The following FNDC3A variants were observed in gnomAD, a reference collection of about 807,000 sequenced individuals.
FNDC3A encodes fibronectin type III domain containing 3A.
Under a neutral mutation model 148.9 loss-of-function variants are expected in FNDC3A, and 32 were observed. The ratio of observed to expected loss-of-function variants is 0.21; its 90% CI spans 0.16 to 0.29. FNDC3A has a LOEUF of 0.29. FNDC3A is among the 10% of genes least tolerant of loss of function. The pLI, the probability that FNDC3A is intolerant of heterozygous loss-of-function variation, is 1.00. For synonymous variants in FNDC3A, 472 were observed against 473.6 expected, an observed-to-expected ratio of 1.00 and a Z score of 0.04; for missense variants, 1,191 against 1,452.8, an observed-to-expected ratio of 0.82 and a Z score of 2.93.
chr13:49,086,194 C>T (rs1193834434), intron 3 of FNDC3A, among the ~76,000 whole-genome samples: 1 of 152,180 alleles, frequency 6.6e-6, no homozygotes, highest in African/African-American at 2.4e-5. Context: ...TCCCATCTAT[C>T]TTTGTAGGTG....
chr13:48,996,688 A>G (rs1952030069), intron 1 of FNDC3A, among the ~76,000 whole-genome samples: 1 of 152,208 alleles, frequency 6.6e-6, no homozygotes, highest in Non-Finnish European at 1.5e-5. Context: ...TGCATATGAT[A>G]GTCTTGTGGT....
chr13:49,027,401 G>A (rs1873794911), intron 2 of FNDC3A, among the ~76,000 whole-genome samples: 1 of 152,186 alleles, frequency 6.6e-6, no homozygotes, highest in South Asian at 2.1e-4. Context: ...CAGTTGAGTA[G>A]ATACGAAGAA....
At chr13:48,998,927 A>G (rs1037504734) in intron 1 of FNDC3A, among the ~76,000 whole-genome samples, 1 of 152,222 alleles carries the variant, frequency 6.6e-6, no homozygotes, top group African/African-American at 2.4e-5. Context: ...GATAGAATGA[A>G]GGAAGACTGT....
intron 23 of FNDC3A, among the ~76,000 whole-genome samples, chr13:49,200,308 G>C (rs570103340): frequency 3.0e-4 from 45 of 152,160 alleles, no homozygotes; most frequent in African/African-American, 1.0e-3. Context: ...GAATAATTTT[G>C]TATACTAGTA....
rs554739522 is a variant in FNDC3A at position 49,017,832 on chromosome 13, A to G, written c.99+11543A>G. Reference sequence around the variant, plus strand: ...AATCTCTCAGCATTTGCTTGTCTGTAAAGTATTTTATTTCTCCTTCACTTA... The same window carrying G: ...AATCTCTCAGCATTTGCTTGTCTGTGAAGTATTTTATTTCTCCTTCACTTA... On this transcript the variant is annotated intron_variant, in intron 2 of 25. Transcript: ENST00000492622. 2.6e-5 allele frequency among the ~76,000 whole-genome samples: 4 copies of G among 152,034 alleles called. No homozygotes were observed. In the East Asian group the frequency reaches 5.8e-4, roughly 22 times the overall value.
chr13:49,082,305 G>A (rs963498316), intron 3 of FNDC3A, among the ~76,000 whole-genome samples: 2 of 152,034 alleles, frequency 1.3e-5, no homozygotes, highest in Admixed American at 1.3e-4. Context: ...AGAATCACTT[G>A]GACCCGGGAA....
intron 13 of FNDC3A, among the ~76,000 whole-genome samples, chr13:49,177,110 C>A (rs911418960): frequency 4.6e-5 from 7 of 152,104 alleles, no homozygotes; most frequent in African/African-American, 1.7e-4. Flanking sequence ...AAAACTCTGT[C>A]TTTTCTTTTG....
chr13:49,194,421 G>A (rs1272570725), intron 19 of FNDC3A, among the ~76,000 whole-genome samples: 2 of 152,250 alleles, frequency 1.3e-5, no homozygotes, highest in East Asian at 3.9e-4. Context: ...TTTTCACAAA[G>A]CAGGCGCATT....
At chr13:49,168,804 C>G (rs1884613618) in intron 10 of FNDC3A, 53 bp downstream of exon 10, 1 of 1,519,142 alleles carries the variant, frequency 6.6e-7, no homozygotes, top group African/African-American at 1.4e-5. Context: ...CTTTGTTTCC[C>G]CTGGTAGTAT....
chr13:48,999,566 G>T (rs537176088), intron 1 of FNDC3A, among the ~76,000 whole-genome samples: 6 of 152,190 alleles, frequency 3.9e-5, no homozygotes, highest in South Asian at 4.2e-4. Context: ...GGGGCTGTTG[G>T]GATAGAATGA....
At chr13:49,203,336 T>C in intron 25 of FNDC3A, 52 bp downstream of exon 25, 1 of 1,356,256 alleles carries the variant, frequency 7.4e-7, no homozygotes, top group Non-Finnish European at 1.0e-6. Flanking sequence ...CTTTTTTAAT[T>C]TTTATGTATT....
intron 4 of FNDC3A, among the ~76,000 whole-genome samples, chr13:49,118,319 C>T (rs537345862): frequency 2.6e-5 from 4 of 152,256 alleles, no homozygotes; most frequent in South Asian, 2.1e-4. Flanking sequence ...CAGTGCATTC[C>T]GGCCCAGATA....
At chr13:49,032,371 C>G (rs915123541) in intron 2 of FNDC3A, among the ~76,000 whole-genome samples, 2 of 152,106 alleles carry the variant, frequency 1.3e-5, no homozygotes, top group Admixed American at 6.5e-5. Context: ...TGGAAACACT[C>G]CAAATGTCCA....
At chr13:49,143,198 C>G (rs1386025543) in intron 7 of FNDC3A, among the ~76,000 whole-genome samples, 1 of 151,940 alleles carries the variant, frequency 6.6e-6, no homozygotes, top group East Asian at 1.9e-4. Context: ...TGAGTTAGTA[C>G]TAAAAGATTT....
chr13:49,019,397 A>C (rs191943343), intron 2 of FNDC3A, among the ~76,000 whole-genome samples: 3,031 of 152,266 alleles, frequency 0.02, 42 homozygotes, highest in Middle Eastern at 0.054. Flanking sequence ...TTCTTTGACT[A>C]GGAAAGGGAA....
chr13:49,006,037 A>G, intron 1 of FNDC3A, 115 bp from the exon 2 acceptor site: 1 of 450,088 alleles, frequency 2.2e-6, no homozygotes, highest in African/African-American at 2.0e-5. Flanking sequence ...GTATTCTAGA[A>G]TTTCCTTTGA....
intron 14 of FNDC3A, among the ~76,000 whole-genome samples, chr13:49,183,900 A>G (rs1219499394): frequency 6.6e-6 from 1 of 152,230 alleles, no homozygotes; most frequent in Non-Finnish European, 1.5e-5. Context: ...TTCAACCAAT[A>G]TCTGTTGAGC....
intron 2 of FNDC3A, among the ~76,000 whole-genome samples, chr13:49,060,116 CAT>C (rs1411706889): frequency 6.6e-6 from 1 of 152,244 alleles, no homozygotes; most frequent in African/African-American, 2.4e-5. Flanking sequence ...AAAAGTTAAA[CAT>C]AAGAATTACC....
chr13:49,142,144 C>T (rs1882726272), intron 7 of FNDC3A, among the ~76,000 whole-genome samples: 1 of 152,170 alleles, frequency 6.6e-6, no homozygotes, highest in African/African-American at 2.4e-5. Context: ...TATTTTCGAT[C>T]CTAATTACTA....
Sources: allele counts gnomAD v4.1 joint callset (sites outside exome capture counted in the v4.1 genomes callset), GRCh38; gene constraint gnomAD v4.1.1; transcripts MANE v1.5; gene names NCBI Gene and HGNC (gene_info 2026-07-23, HGNC 2026-07-21).